MS4A10: variants seen among roughly 807,000 people sequenced by gnomAD.
The protein encoded by MS4A10 is membrane spanning 4-domains A10.
In MS4A10, 27 loss-of-function variants were observed where a neutral mutation model predicts 27.7. That is an observed-to-expected ratio of 0.98 (90% CI 0.72 to 1.35). The LOEUF (loss-of-function observed/expected upper bound fraction) is 1.35. Among genes scored for constraint, MS4A10 ranks in the 40% most tolerant of loss-of-function variants. The pLI, the probability that MS4A10 is intolerant of heterozygous loss-of-function variation, is 0.00. For missense variants in MS4A10, 338 were observed against 324.7 expected, an observed-to-expected ratio of 1.04 and a Z score of -0.32; for synonymous variants, 139 against 131.2, an observed-to-expected ratio of 1.06 and a Z score of -0.41.
chr11:60,795,567 A>G lies in MS4A10; in HGVS notation c.505A>G (p.Arg169Gly), dbSNP rs767105299. Reference protein sequence around the residue: ...MYPNSTVHIQRLELALLCFTV... With the variant: ...MYPNSTVHIQGLELALLCFTV... Reference sequence around the variant, plus strand: ...TCTACCCTCTCAGGTCCACATCCAGAGGCTGGAGCTGGCCTTGCTCTGCTT... The same window carrying G: ...TCTACCCTCTCAGGTCCACATCCAGGGGCTGGAGCTGGCCTTGCTCTGCTT... The change falls in exon 6 of 8, where the codon AGG (arginine) becomes GGG (glycine). Residue 169 changes from arginine to glycine, a missense_variant. Coordinates refer to ENST00000308287, the MANE Select transcript of MS4A10 (RefSeq NM_206893.4). 2.2e-5 allele frequency: 35 copies of G among 1,556,870 alleles called. No homozygotes were observed. Among genetic ancestry groups the G allele is most frequent in the Non-Finnish European group, 2.9e-5 (33 of 1,151,262 alleles).
rs1854421533 is a variant in MS4A10 at position 60,791,008 on chromosome 11, T to C, written c.218T>C (p.Val73Ala). ...FHITIALLHL[V>A]FGGYLASIVK... ...ATCACCATCGCTCTGCTGCACCTGGTCTTTGGGGGCTACCTGGCCTCTATA... is the reference window on the plus strand; with the variant it reads ...ATCACCATCGCTCTGCTGCACCTGGCCTTTGGGGGCTACCTGGCCTCTATA... The change falls in exon 3 of 8, where the codon GTC becomes GCC. Residue 73 changes from valine to alanine, a missense_variant. Physicochemically the swap from Val to Ala is moderately conservative, Grantham distance 64. Coordinates refer to ENST00000308287, the MANE Select transcript of MS4A10 (RefSeq NM_206893.4). 1 of 1,614,026 alleles carries C rather than the reference T, an allele frequency of 6.2e-7. No homozygotes were observed. The highest frequency in any genetic ancestry group is 1.1e-5 in the South Asian group (1 of 91,080).
chr11:60,795,858 A>G (rs1258128798), intron 6 of MS4A10, among the ~76,000 whole-genome samples, 193 bp downstream of exon 6: 1 of 152,206 alleles, frequency 6.6e-6, no homozygotes, highest in African/African-American at 2.4e-5. Flanking sequence ...AGAGGAGGCC[A>G]ATCCAAGGAG....
intron 6 of MS4A10, among the ~76,000 whole-genome samples, chr11:60,797,908 G>A (rs1250188689): frequency 2.6e-5 from 4 of 152,248 alleles, no homozygotes; most frequent in Admixed American, 2.0e-4. Flanking sequence ...TCCCCAATGG[G>A]CCCTGTGCCC....
In MS4A10 at chr11:60,799,848, T is replaced by A; in HGVS notation, c.743T>A (p.Val248Asp). 6.4e-7 allele frequency: 1 copy of A among 1,560,942 alleles called. No individual in the cohort carries two copies. Among genetic ancestry groups the A allele is most frequent in the Non-Finnish European group, 8.8e-7 (1 of 1,133,284 alleles). ...QHQRLREVKQ[V>D]APDTWIVTDG... ...TGCAGGCTCAGAGAAGTTAAGCAAGTTGCCCCGGACACATGGATAGTCACT... is the reference window on the plus strand; with the variant it reads ...TGCAGGCTCAGAGAAGTTAAGCAAGATGCCCCGGACACATGGATAGTCACT... Residue 248 changes from valine to aspartate, a missense_variant, in exon 8 of 8, where the codon GTT becomes GAT. Physicochemically the swap from Val to Asp is radical, Grantham distance 152. Transcript: ENST00000308287.
rs1471908185 is a variant in MS4A10, at chr11:60,800,794, T to C, written c.*885T>C. 3 of 69,174 alleles carry C rather than the reference T, an allele frequency of 4.3e-5. No individual in the cohort carries two copies. Among genetic ancestry groups the C allele is most frequent in the Non-Finnish European group, 5.5e-5 (2 of 36,104 alleles). The allele number at this position is 69,174 out of a possible 1,614,324, so 4.3% of individuals were successfully genotyped here. A position where few individuals can be genotyped will look rare whatever the true frequency, so the allele number is the denominator to read the frequency against. On this transcript the variant is annotated 3_prime_UTR_variant, in exon 8 of 8. Coordinates refer to ENST00000308287, the MANE Select transcript of MS4A10 (RefSeq NM_206893.4). ...GACAACCCAGTCTTTCTTTTTTTTTTTTTTTTTTTTTTTTTTTGAGACGGA... is the reference window on the plus strand; with the variant it reads ...GACAACCCAGTCTTTCTTTTTTTTTCTTTTTTTTTTTTTTTTTGAGACGGA...
intron 3 of MS4A10, among the ~76,000 whole-genome samples, chr11:60,791,757 T>C (rs1219690860): frequency 6.6e-6 from 1 of 152,250 alleles, no homozygotes; most frequent in African/African-American, 2.4e-5. Context: ...GATAGAACTT[T>C]CCACACATGC....
chr11:60,797,746 TTCTCCC>T, intron 6 of MS4A10, among the ~76,000 whole-genome samples: 1 of 152,370 alleles, frequency 6.6e-6, no homozygotes, highest in Non-Finnish European at 1.5e-5. Context: ...GGGGCCGTGC[TTCTCCC>T]TACTGCACTA....
chr11:60,796,891 G>T (rs1168011399), intron 6 of MS4A10, among the ~76,000 whole-genome samples: 1 of 151,746 alleles, frequency 6.6e-6, no homozygotes, highest in Non-Finnish European at 1.5e-5. Flanking sequence ...GATCTCTAAG[G>T]CTCATTTCTT....
At position 60,790,332 on chromosome 11, in the gene MS4A10, A is replaced by G; in HGVS notation, c.-4A>G. 6.2e-7 allele frequency: 1 copy of G among 1,613,850 alleles called. No homozygotes were observed. Among genetic ancestry groups the G allele is most frequent in the Non-Finnish European group, 8.5e-7 (1 of 1,179,860 alleles). Reference sequence around the variant, plus strand: ...CCTGCAGCCAGGGCCCCCATCCAGCATCAATGAAAGCAGAAGCCACAGTTA... The same window carrying G: ...CCTGCAGCCAGGGCCCCCATCCAGCGTCAATGAAAGCAGAAGCCACAGTTA... On this transcript the variant is annotated 5_prime_UTR_variant, in exon 2 of 8. Coordinates refer to ENST00000308287, the MANE Select transcript of MS4A10 (RefSeq NM_206893.4).
rs777632130 is a variant in MS4A10 at position 60,795,634 on chromosome 11, C to G, written c.572C>G (p.Thr191Arg). The G allele has an allele frequency of 6.3e-6, 10 of 1,593,554 alleles. No homozygotes were observed. The South Asian group carries it at 6.8e-5, about 11-fold the overall frequency. ...TTCCTGCCAGTGCCCACAGCTGTCA[C>G]AGCCTGGAGAGGGGACTGCCCATCT... is the stretch of plus-strand genomic sequence containing the variant. ...ELFLPVPTAV[T>R]AWRGDCPSAK... Residue 191 changes from threonine (T) to arginine (R), a missense_variant, in exon 6 of 8, where the codon ACA (threonine) becomes AGA (arginine). Physicochemically the swap from Thr to Arg is moderately conservative, Grantham distance 71. Coordinates refer to ENST00000308287, the MANE Select transcript of MS4A10 (RefSeq NM_206893.4).
rs1854621624 is a variant in MS4A10, at chr11:60,800,805, T to C, written c.*896T>C. 8.8e-6 allele frequency: 1 copy of C among 113,852 alleles called. No individual in the cohort carries two copies. Among genetic ancestry groups the C allele is most frequent in the African/African-American group, 3.8e-5 (1 of 26,512 alleles). The allele number at this position is 113,852 out of a possible 1,614,324, so 7.1% of individuals were successfully genotyped here. The stretch of plus-strand genomic sequence containing the variant: ...CTTTCTTTTTTTTTTTTTTTTTTTT[T>C]TTTTTTGAGACGGAGTCTCACTCTG... On this transcript the variant is annotated 3_prime_UTR_variant, in exon 8 of 8. Coordinates refer to ENST00000308287, the MANE Select transcript of MS4A10 (RefSeq NM_206893.4).
At position 60,799,864 on chromosome 11, in the gene MS4A10, G is replaced by C; in HGVS notation, c.759G>C (p.Trp253Cys). The change falls in exon 8 of 8, where the codon TGG becomes TGC. Residue 253 changes from tryptophan (W) to cysteine (C), a missense_variant. Physicochemically the swap from Trp to Cys is radical, Grantham distance 215. Coordinates refer to ENST00000308287, the MANE Select transcript of MS4A10 (RefSeq NM_206893.4). The stretch of plus-strand genomic sequence containing the variant: ...TTAAGCAAGTTGCCCCGGACACATG[G>C]ATAGTCACTGACGGAGCTGCGATCT... ...REVKQVAPDT[W>C]IVTDGAAIWT... 6.2e-7 allele frequency: 1 copy of C among 1,606,480 alleles called. No individual in the cohort carries two copies.
intron 5 of MS4A10, among the ~76,000 whole-genome samples, chr11:60,794,587 C>G (rs1049366590): frequency 6.6e-6 from 1 of 152,196 alleles, no homozygotes; most frequent in Non-Finnish European, 1.5e-5. Context: ...AAGCCTGGTG[C>G]TCTTTTCACC....
At chr11:60,786,932 T>A (rs973134046) in intron 1 of MS4A10, among the ~76,000 whole-genome samples, 1 of 152,050 alleles carries the variant, frequency 6.6e-6, no homozygotes, top group African/African-American at 2.4e-5. Flanking sequence ...AGGTCAAAGC[T>A]CCGGGGAGCA....
intron 1 of MS4A10, 111 bp from the exon 2 acceptor site, chr11:60,790,203 A>T: frequency 1.1e-6 from 1 of 899,458 alleles, no homozygotes; most frequent in Non-Finnish European, 1.7e-6. Flanking sequence ...CAGGGCAACC[A>T]CAGTTCTGGA....
chr11:60,794,222 G>A (rs926788402), intron 5 of MS4A10, 119 bp downstream of exon 5: 5 of 1,219,556 alleles, frequency 4.1e-6, no homozygotes, highest in Non-Finnish European at 5.8e-6. Flanking sequence ...TGGGCTGCTG[G>A]GCCCTTTGCC....
chr11:60,799,253 C>T (rs771661355), intron 7 of MS4A10, among the ~76,000 whole-genome samples: 1 of 152,160 alleles, frequency 6.6e-6, no homozygotes, highest in East Asian at 1.9e-4. Context: ...ACTTCAGCCT[C>T]GGAATTTCAA....
At chr11:60,797,799 C>T (rs568205043) in intron 6 of MS4A10, among the ~76,000 whole-genome samples, 15 of 152,340 alleles carry the variant, frequency 9.8e-5, no homozygotes, top group South Asian at 2.1e-4. Context: ...CATTCTGGGA[C>T]GCAGGTTCTG....
intron 6 of MS4A10, among the ~76,000 whole-genome samples, chr11:60,797,788 C>G (rs1032120549): frequency 1.3e-5 from 2 of 152,230 alleles, no homozygotes; most frequent in Non-Finnish European, 2.9e-5. Context: ...AATCTCACGG[C>G]CATTCTGGGA....
Sources: gnomAD v4.1 joint callset for allele counts (sites outside exome capture counted in the v4.1 genomes callset) on GRCh38, gnomAD v4.1.1 for gene constraint, MANE v1.5 for transcripts, NCBI Gene and HGNC (gene_info 2026-07-23, HGNC 2026-07-21) for gene names.